The following ANAPC7 variants were observed in gnomAD, a reference collection of about 807,000 sequenced individuals.
ANAPC7 encodes the protein anaphase-promoting complex subunit 7.
A neutral mutation model predicts 63.3 loss-of-function variants in ANAPC7; 25 were observed. The observed-to-expected ratio is 0.39, with a 90% CI of 0.29 to 0.55. The LOEUF (loss-of-function observed/expected upper bound fraction) is 0.55, where lower values mean the gene tolerates loss of function less well. Among genes scored for constraint, ANAPC7 ranks in the 20% least tolerant of loss-of-function variants. The probability of loss-of-function intolerance (pLI) is 0.57; values close to 1 mark genes in which losing one functional copy is unlikely to be tolerated. For missense variants in ANAPC7, 516 were observed against 691.7 expected (o/e 0.75, Z 2.85); for synonymous variants, 241 against 251.7 (o/e 0.96, Z 0.40).
intron 7 of ANAPC7, among the ~76,000 whole-genome samples, chr12:110,382,461 A>AAATATAT (rs1555289541): frequency 1.9e-4 from 6 of 30,842 alleles, no homozygotes; most frequent in Non-Finnish European, 3.1e-4. Flanking sequence ...AAAAAAAAAA[A>AAATATAT]ATATATATAT....
At position 110,374,055 on chromosome 12, in the gene ANAPC7, CCTT is replaced by C; in HGVS notation, c.*86_*88del. 7.2e-7 allele frequency: 1 copy of C among 1,391,168 alleles called. No homozygotes were observed. The highest frequency in any genetic ancestry group is 9.6e-7 in the Non-Finnish European group (1 of 1,043,480). The allele number at this position is 1,391,168 out of a possible 1,614,324, so 86.2% of individuals were successfully genotyped here. On this transcript the variant is annotated 3_prime_UTR_variant, in exon 11 of 11. Coordinates refer to ENST00000455511, the MANE Select transcript of ANAPC7 (RefSeq NM_016238.3). ...CTGCAATCACATGCTGAATCATTGT[CCTT>C]CTGAGAGCAGGCTCCTACGGTTCCT...
chr12:110,391,509 CAAGA>C (rs962014929), intron 3 of ANAPC7, among the ~76,000 whole-genome samples: 11 of 152,092 alleles, frequency 7.2e-5, no homozygotes, highest in Non-Finnish European at 1.5e-4. Flanking sequence ...CCCTAACAGA[CAAGA>C]AAGAAAAACT....
At chr12:110,380,924 C>T (rs1378744024) in intron 8 of ANAPC7, among the ~76,000 whole-genome samples, 3 of 151,452 alleles carry the variant, frequency 2.0e-5, no homozygotes, top group East Asian at 1.9e-4. Context: ...GGCAACAAAG[C>T]GAGACTCTGT....
At chr12:110,397,890 T>C (rs1217869117) in intron 1 of ANAPC7, among the ~76,000 whole-genome samples, 1 of 151,326 alleles carries the variant, frequency 6.6e-6, no homozygotes, top group Non-Finnish European at 1.5e-5. Context: ...AGTGAAACTC[T>C]GTCTTTTAAA....
intron 5 of ANAPC7, chr12:110,387,333 GAGGCAGAGAGAGAGAGAGAC>G (rs1566269111): frequency 4.9e-5 from 3 of 60,840 alleles, no homozygotes; most frequent in Non-Finnish European, 6.9e-5. Flanking sequence ...GAGAGAGAGA[GAGGCAGAGAGAGAGAGAGAC>G]AGAGAGAGAG....
intron 3 of ANAPC7, among the ~76,000 whole-genome samples, chr12:110,390,461 A>G (rs567281404): frequency 3.6e-4 from 54 of 152,076 alleles, no homozygotes; most frequent in African/African-American, 1.3e-3. Flanking sequence ...AAAAAAGGTC[A>G]ACCCCCAATC....
intron 2 of ANAPC7, 144 bp downstream of exon 2, chr12:110,396,122 A>G (rs1385687232): frequency 1.3e-5 from 9 of 696,108 alleles, no homozygotes; most frequent in Non-Finnish European, 2.2e-5. Context: ...CTCAGGCAGT[A>G]ATATTCACTA....
intron 3 of ANAPC7, among the ~76,000 whole-genome samples, 181 bp downstream of exon 3, chr12:110,394,920 C>G (rs1371051653): frequency 6.6e-6 from 1 of 152,010 alleles, no homozygotes; most frequent in Non-Finnish European, 1.5e-5. Flanking sequence ...TATTCTCCAG[C>G]TATCATTTTC....
intron 1 of ANAPC7, among the ~76,000 whole-genome samples, chr12:110,403,057 T>G (rs1220151744): frequency 6.6e-6 from 1 of 152,134 alleles, no homozygotes; most frequent in African/African-American, 2.4e-5. Flanking sequence ...TTCAGGGGTT[T>G]CCCAAGGCCA....
chr12:110,376,672 T>C (rs993057122), intron 9 of ANAPC7, among the ~76,000 whole-genome samples: 10 of 135,724 alleles, frequency 7.4e-5, no homozygotes, highest in African/African-American at 2.5e-4. Flanking sequence ...CCAAATTCAA[T>C]GAACCAAATT....
intron 3 of ANAPC7, among the ~76,000 whole-genome samples, chr12:110,393,353 C>T (rs916231326): frequency 6.6e-6 from 1 of 152,120 alleles, no homozygotes; most frequent in Non-Finnish European, 1.5e-5. Flanking sequence ...TAAGAAATAT[C>T]AAAGTCTTCT....
At position 110,381,756 on chromosome 12, in the gene ANAPC7, A is replaced by G. The variant is rs972481587; in HGVS notation, c.1128T>C (p.Tyr376=). ...IRLAPCRLDC[Y]EGLIECYLAS... is the part of the protein sequence containing the mutation. ...CACCTATGTTTTCTTTCTTACCTTC[A>G]TAACAATCTAAGCGACAAGGTGCGA... The change falls in exon 8 of 11, where the codon TAT becomes TAC. Residue 376 remains tyrosine (Y), a synonymous_variant. Transcript: ENST00000455511. The G allele has an allele frequency of 4.3e-6, 7 of 1,612,978 alleles. No homozygotes were observed. Among genetic ancestry groups the G allele is most frequent in the Admixed American group, 1.7e-5 (1 of 59,982 alleles).
At chr12:110,388,735 T>C (rs1021747163) in intron 3 of ANAPC7, 112 bp from the exon 4 acceptor site, 11 of 777,438 alleles carry the variant, frequency 1.4e-5, no homozygotes, top group African/African-American at 1.0e-4. Context: ...TACTGGAAAA[T>C]CTACCCACAA....
intron 6 of ANAPC7, 94 bp downstream of exon 6, chr12:110,386,233 A>G: frequency 5.2e-6 from 8 of 1,539,498 alleles, no homozygotes; most frequent in Non-Finnish European, 7.0e-6. Context: ...TTTCTATGAA[A>G]CTTGGTATCG....
In ANAPC7 at chr12:110,397,929, T is replaced by C. The variant is rs972622624; in HGVS notation, c.102-1477A>G. Among the ~76,000 whole-genome samples, 5 of 150,220 alleles carry C rather than the reference T, an allele frequency of 3.3e-5. No homozygotes were observed. The South Asian group carries it at 8.4e-4, about 25-fold the overall frequency. ...AAAAAGATCGGGAAAGCCAATGGGA[T>C]AGCAAGAGGATTGGCCTTGATAAAA... On this transcript the variant is annotated intron_variant, in intron 1 of 10. Transcript: ENST00000455511.
chr12:110,382,466 A>AT (rs1882012277), intron 7 of ANAPC7, among the ~76,000 whole-genome samples: 1 of 100,762 alleles, frequency 9.9e-6, no homozygotes, highest in African/African-American at 4.1e-5. Flanking sequence ...AAAAAAATAT[A>AT]TATATATATA....
chr12:110,374,463 C>T, intron 10 of ANAPC7, 130 bp from the exon 11 acceptor site: 1 of 799,320 alleles, frequency 1.3e-6, no homozygotes, highest in Non-Finnish European at 1.9e-6. Context: ...CTGGCCTCTC[C>T]AAACAACTCA....
chr12:110,384,341 G>A (rs1304092982), intron 6 of ANAPC7, among the ~76,000 whole-genome samples: 1 of 152,116 alleles, frequency 6.6e-6, no homozygotes, highest in African/African-American at 2.4e-5. Flanking sequence ...AGGCTGCAGT[G>A]AGCTATGTTT....
chr12:110,395,891 A>G (rs1883532422), intron 2 of ANAPC7, among the ~76,000 whole-genome samples: 1 of 152,032 alleles, frequency 6.6e-6, no homozygotes, highest in African/African-American at 2.4e-5. Flanking sequence ...GCGGTCCCCA[A>G]CCTTTTTGGC....
Sources: gnomAD v4.1 joint callset for allele counts (sites outside exome capture counted in the v4.1 genomes callset) on GRCh38, gnomAD v4.1.1 for gene constraint, MANE v1.5 for transcripts, NCBI Gene and HGNC (gene_info 2026-07-23, HGNC 2026-07-21) for gene names.